RAB33A: variants seen among roughly 807,000 people sequenced by gnomAD.
The protein encoded by RAB33A is RAB33A, member RAS oncogene family.
RAB33A carries 6 observed loss-of-function variants against 12.0 expected under a neutral mutation model. That is an observed-to-expected ratio of 0.50 (90% CI 0.27 to 0.99). The LOEUF is 0.99. RAB33A is among the 50% of genes least tolerant of loss of function. The pLI, the probability that RAB33A is intolerant of heterozygous loss-of-function variation, is 0.11. For missense variants in RAB33A, 109 were observed against 192.0 expected (o/e 0.57, Z 2.55); for synonymous variants, 70 against 82.4 (o/e 0.85, Z 0.81).
intron 1 of RAB33A, among the ~76,000 whole-genome samples, chrX:130,181,819 C>T (rs2031729486): frequency 9.1e-6 from 1 of 109,826 alleles, no homozygotes; most frequent in Non-Finnish European, 1.9e-5. Flanking sequence ...TGGTGGCGCA[C>T]GACTGTAATC....
chrX:130,142,687 C>T, the RAB33A span, among the ~76,000 whole-genome samples: 1 of 111,503 alleles, frequency 9.0e-6, no homozygotes. Context: ...GTTCTGTCAC[C>T]CAGGCTGGAG....
chrX:130,168,592 C>T (rs983969695), upstream of RAB33A, among the ~76,000 whole-genome samples: 1 of 110,471 alleles, frequency 9.1e-6, no homozygotes, highest in Admixed American at 9.6e-5. Flanking sequence ...AGTCTCATTA[C>T]GTTGCCCAGG....
chrX:130,183,769 T>C (rs2031757263), intron 1 of RAB33A, among the ~76,000 whole-genome samples: 1 of 112,111 alleles, frequency 8.9e-6, no homozygotes, highest in African/African-American at 3.2e-5. Flanking sequence ...TTTTTTCAAC[T>C]CAAGATTTTC....
At chrX:130,153,352 C>CAAA in the RAB33A span, among the ~76,000 whole-genome samples, 6 of 42,852 alleles carry the variant, frequency 1.4e-4, no homozygotes, top group African/African-American at 5.8e-4. Flanking sequence ...GACTCCGTTT[C>CAAA]AAAAAAAAAA....
At chrX:130,128,086 T>A in the RAB33A span, among the ~76,000 whole-genome samples, 4 of 111,725 alleles carry the variant, frequency 3.6e-5, no homozygotes, top group East Asian at 1.1e-3. Flanking sequence ...GGTATACCTG[T>A]ACTGCAAATT....
chrX:130,147,909 C>T, the RAB33A span: 7 of 1,208,532 alleles, frequency 5.8e-6, no homozygotes, highest in Non-Finnish European at 6.7e-6. Context: ...GATGAATCTT[C>T]TTGAAGTCTC....
At chrX:130,132,536 G>A in the RAB33A span, among the ~76,000 whole-genome samples, 2 of 111,776 alleles carry the variant, frequency 1.8e-5, no homozygotes, top group Non-Finnish European at 3.8e-5. Context: ...TTTCCCCTTA[G>A]CCTCCACTTT....
chrX:130,182,157 AATAT>A (rs1300343120), intron 1 of RAB33A, among the ~76,000 whole-genome samples: 73 of 44,595 alleles, frequency 1.6e-3, no homozygotes, highest in Admixed American at 2.1e-3. Context: ...AAAAAAAAAA[AATAT>A]ATATATATAT....
At chrX:130,169,979 C>T (rs1196061847), upstream of RAB33A, among the ~76,000 whole-genome samples, 3 of 111,889 alleles carry the variant, frequency 2.7e-5, no homozygotes, top group Non-Finnish European at 5.6e-5. Context: ...TCAGACTAAT[C>T]AAAACCAAAA....
the RAB33A span, among the ~76,000 whole-genome samples, chrX:130,139,622 G>A: frequency 9.0e-6 from 1 of 110,881 alleles, no homozygotes; most frequent in African/African-American, 3.3e-5. Context: ...CCTTGAGTGA[G>A]GTATCTGAGG....
At chrX:130,161,322 C>T in the RAB33A span, among the ~76,000 whole-genome samples, 1 of 109,428 alleles carries the variant, frequency 9.1e-6, no homozygotes, top group African/African-American at 3.3e-5. Context: ...ACCAGCCTGG[C>T]CAATACAGTG....
chrX:130,166,287 T>C, the RAB33A span, among the ~76,000 whole-genome samples: 1 of 111,354 alleles, frequency 9.0e-6, no homozygotes, highest in Non-Finnish European at 1.9e-5. Context: ...AGTTGCCGGC[T>C]CTTTCCCACC....
At chrX:130,163,049 GGTTTAAA>G in the RAB33A span, among the ~76,000 whole-genome samples, 2 of 111,548 alleles carry the variant, frequency 1.8e-5, no homozygotes, top group Non-Finnish European at 3.8e-5. Context: ...TTGCAAGGCA[GGTTTAAA>G]GTTTAAAGGT....
the RAB33A span, chrX:130,155,106 A>T: frequency 8.3e-7 from 1 of 1,200,552 alleles, no homozygotes; most frequent in Non-Finnish European, 1.1e-6. Flanking sequence ...CATTAGTGCC[A>T]TGGGCTCACC....
At chrX:130,110,799 C>G in the RAB33A span, 2 of 105,132 alleles carry the variant, frequency 1.9e-5, no homozygotes, top group Non-Finnish European at 3.9e-5. Context: ...CCGGGGAGGG[C>G]CGGGCCAAGA....
the RAB33A span, chrX:130,133,476 C>T: frequency 8.4e-7 from 1 of 1,196,709 alleles, no homozygotes; most frequent in Non-Finnish European, 1.1e-6. Context: ...AAATACATAA[C>T]ATGAACACAT....
the RAB33A span, among the ~76,000 whole-genome samples, chrX:130,162,203 C>T: frequency 8.9e-6 from 1 of 111,975 alleles, no homozygotes; most frequent in African/African-American, 3.2e-5. Context: ...ATGGCTGCTA[C>T]TATTCTGAAT....
chrX:130,163,300 G>A, the RAB33A span, among the ~76,000 whole-genome samples: 3 of 62,196 alleles, frequency 4.8e-5, no homozygotes, highest in Admixed American at 2.0e-4. Context: ...GCGAGACTCC[G>A]CCTCAAAAAA....
In RAB33A at chrX:130,184,470, T is replaced by C; in HGVS notation, c.444T>C (p.Leu148=). ...TGCCCCCACTAGTCCCCAAAGTGCT[T>C]GTGGGCAACAAGTGTGACTTGAGGG... is the stretch of plus-strand genomic sequence containing the variant. ...HAVPPLVPKV[L]VGNKCDLREQ... The change falls in exon 2 of 2, where the codon CTT becomes CTC. Residue 148 remains leucine (L), a synonymous_variant. Coordinates refer to ENST00000257017, the MANE Select transcript of RAB33A (RefSeq NM_004794.3). 1 of 1,211,986 alleles carries C rather than the reference T, an allele frequency of 8.3e-7. No individual in the cohort carries two copies. Among genetic ancestry groups the C allele is most frequent in the African/African-American group, 1.7e-5 (1 of 57,930 alleles).
Sources: allele counts gnomAD v4.1 joint callset (sites outside exome capture counted in the v4.1 genomes callset), GRCh38; gene constraint gnomAD v4.1.1; transcripts MANE v1.5; gene names NCBI Gene and HGNC (gene_info 2026-07-23, HGNC 2026-07-21).